ZNF276: variants seen among roughly 807,000 people sequenced by gnomAD.
The protein encoded by ZNF276 is centromere protein Z.
ZNF276 carries 59 observed loss-of-function variants against 63.9 expected under a neutral mutation model. The ratio of observed to expected loss-of-function variants is 0.92; its 90% CI spans 0.75 to 1.15. The LOEUF (loss-of-function observed/expected upper bound fraction) is 1.15. Among genes scored for constraint, ZNF276 ranks in the 50% most tolerant of loss-of-function variants. The pLI is 0.00. For synonymous variants in ZNF276, 496 were observed against 348.4 expected (o/e 1.42, Z -4.72); for missense variants, 1,084 against 843.8 (o/e 1.28, Z -3.53).
intron 6 of ZNF276, among the ~76,000 whole-genome samples, chr16:89,730,348 C>T (rs4785710): frequency 0.33 from 49,614 of 152,054 alleles, 9,297 homozygotes; most frequent in Middle Eastern, 0.44. Flanking sequence ...CGTGACCCTC[C>T]GGGTTGAGTC....
intron 4 of ZNF276, among the ~76,000 whole-genome samples, chr16:89,726,804 C>T (rs920396408): frequency 6.6e-6 from 1 of 151,796 alleles, no homozygotes; most frequent in Admixed American, 6.6e-5. Context: ...TGCCACCATG[C>T]CCGGCTAATT....
intron 1 of ZNF276, 93 bp downstream of exon 1, chr16:89,721,938 C>A (rs996780364): frequency 1.7e-4 from 154 of 896,142 alleles, no homozygotes; most frequent in Admixed American, 2.8e-4. Flanking sequence ...GGCGCGGCCT[C>A]TCCTCCACCC....
Position 89,739,999 on chromosome 16 carries a change from T to C in ZNF276, c.*1753T>C. 6.2e-7 allele frequency: 1 copy of C among 1,614,162 alleles called. No homozygotes were observed. The highest frequency in any genetic ancestry group is 1.3e-5 in the African/African-American group (1 of 75,056). ...CTCAGCAGCGTGTTTCTTACCACTC[T>C]CTGTCAACTGAAAGAGTGCCAGCCA... On this transcript the variant is annotated 3_prime_UTR_variant, in exon 11 of 11. Coordinates refer to ENST00000443381, the MANE Select transcript of ZNF276 (RefSeq NM_001113525.2).
chr16:89,720,409 A>G (rs2061223554), upstream of ZNF276: 1 of 1,013,732 alleles, frequency 9.9e-7, no homozygotes, highest in Non-Finnish European at 1.2e-6. Context: ...TAAATCTACC[A>G]TCTCTGCCCA....
chr16:89,735,378 GAATT>G (rs1262202296), intron 9 of ZNF276, among the ~76,000 whole-genome samples: 5 of 152,086 alleles, frequency 3.3e-5, no homozygotes, highest in African/African-American at 7.2e-5. Context: ...TACAGAATAA[GAATT>G]ATTTATTCTT....
Position 89,723,176 on chromosome 16 carries a change from G to A in ZNF276, c.549G>A (p.Ala183=), listed in dbSNP as rs767224098. Residue 183 remains alanine, a synonymous_variant, in exon 3 of 11, where the codon GCG becomes GCA. Transcript: ENST00000443381. ...CCCCAACAGGGGCAGAGGAGGGAGC[G>A]TGTCTGGGTGAGTCCTCCCCCGGTG... ...AQPPTGAEEG[A]CLVDLITSSP... is the part of the protein sequence containing the mutation. The A allele has an allele frequency of 2.5e-6, 4 of 1,613,220 alleles. No homozygotes were observed. The highest frequency in any genetic ancestry group is 2.2e-5 in the South Asian group (2 of 91,090).
At chr16:89,736,207 G>C (rs1159446351) in intron 9 of ZNF276, among the ~76,000 whole-genome samples, 1 of 151,940 alleles carries the variant, frequency 6.6e-6, no homozygotes, top group African/African-American at 2.4e-5. Context: ...TCTATTTTTA[G>C]TAGAGAGGCA....
At position 89,723,313 on chromosome 16, in the gene ZNF276, C is replaced by T. The variant is rs769827205; in HGVS notation, c.610C>T (p.His204Tyr). ...QCLHGLVGWV[H>Y]GHAASCGALP... ...CCTGCACGGCTTGGTGGGGTGGGTGCATGGACATGCGGCCAGCTGCGGGGC... is the reference window on the plus strand; with the variant it reads ...CCTGCACGGCTTGGTGGGGTGGGTGTATGGACATGCGGCCAGCTGCGGGGC... Residue 204 changes from histidine (H) to tyrosine (Y), a missense_variant, in exon 4 of 11, where the codon CAT becomes TAT. His to Tyr is a moderately conservative substitution (Grantham distance 83). Coordinates refer to ENST00000443381, the MANE Select transcript of ZNF276 (RefSeq NM_001113525.2). The T allele has an allele frequency of 3.1e-6, 5 of 1,613,032 alleles. No individual in the cohort carries two copies. The highest frequency in any genetic ancestry group is 4.2e-6 in the Non-Finnish European group (5 of 1,180,032).
chr16:89,726,730 C>T (rs1440764359), intron 4 of ZNF276, among the ~76,000 whole-genome samples: 2 of 152,106 alleles, frequency 1.3e-5, no homozygotes, highest in African/African-American at 4.8e-5. Flanking sequence ...ACTGCAATGT[C>T]TGCCTCCCGG....
At chr16:89,727,530 CAG>C (rs1245936570) in intron 5 of ZNF276, among the ~76,000 whole-genome samples, 173 bp downstream of exon 5, 1 of 152,194 alleles carries the variant, frequency 6.6e-6, no homozygotes, top group Non-Finnish European at 1.5e-5. Context: ...TAAGCCATCA[CAG>C]GGGCCGGCTG....
chr16:89,738,202 T>G lies in ZNF276; in HGVS notation c.1801T>G (p.Ser601Ala), dbSNP rs865830363. The change falls in exon 11 of 11, where the codon TCT (serine) becomes GCT (alanine). Residue 601 changes from serine to alanine, a missense_variant. Transcript: ENST00000443381. ...AEPPPGPPSP[S>A]VTTEGQAVKP... ...ACCACCACCTGGGCCACCGAGCCCC[T>G]CTGTGACCACAGAGGGCCAGGCGGT... 1.9e-6 allele frequency: 3 copies of G among 1,611,208 alleles called. No homozygotes were observed. Among genetic ancestry groups the G allele is most frequent in the African/African-American group, 1.3e-5 (1 of 74,922 alleles).
In ZNF276 at chr16:89,722,525, G is replaced by A. The variant is rs773052708; in HGVS notation, c.206-6G>A. The A allele has an allele frequency of 3.2e-5, 51 of 1,609,166 alleles. No individual in the cohort carries two copies. The East Asian group carries it at 5.1e-4, about 16-fold the overall frequency. On this transcript the variant is annotated splice_region_variant and splice_polypyrimidine_tract_variant and intron_variant, in intron 1 of 10. Coordinates refer to ENST00000443381, the MANE Select transcript of ZNF276 (RefSeq NM_001113525.2). ...AGCTGCTAACACTTCCTGCCGCTCT[G>A]TGCAGGAGCAGGCCGGGCTCTCGCC...
At position 89,738,954 on chromosome 16, in the gene ZNF276, T is replaced by C. The variant is rs1441175300; in HGVS notation, c.*708T>C. The C allele has an allele frequency of 3.1e-6, 5 of 1,614,242 alleles. No homozygotes were observed. In the East Asian group the frequency reaches 8.9e-5, roughly 29 times the overall value. On this transcript the variant is annotated 3_prime_UTR_variant, in exon 11 of 11. Transcript: ENST00000443381. ...GCAGCAGAAAAAGACGAGCTTTTGT[T>C]ATCAGTTCCACGGGGTTGCCCTAGA...
chr16:89,740,203 T>C lies in ZNF276; in HGVS notation c.*1957T>C, dbSNP rs551817911. 9.5e-5 allele frequency: 90 copies of C among 943,032 alleles called. 1 individual carries two copies. Among genetic ancestry groups the C allele is most frequent in the South Asian group, 7.9e-4 (61 of 77,054 alleles). The allele number at this position is 943,032 out of a possible 1,614,324, so 58.4% of individuals were successfully genotyped here. On this transcript the variant is annotated 3_prime_UTR_variant, in exon 11 of 11. Coordinates refer to ENST00000443381, the MANE Select transcript of ZNF276 (RefSeq NM_001113525.2). The stretch of plus-strand genomic sequence containing the variant: ...GAAGAGGGCATTTCCTCTTTGCTTA[T>C]TGTAAGTCTTAAAACTGGTGACAGT...
chr16:89,720,436 C>T (rs1421636351), upstream of ZNF276: 3 of 1,048,124 alleles, frequency 2.9e-6, no homozygotes, highest in Admixed American at 5.6e-5. Context: ...TGCACGAACG[C>T]ACGGACCTGC....
chr16:89,720,740 G>GCCCCGC (rs1567557837), upstream of ZNF276: 6 of 1,429,924 alleles, frequency 4.2e-6, no homozygotes, highest in African/African-American at 1.5e-5. Flanking sequence ...CAGCGGCCAA[G>GCCCCGC]CCCCGCCCCC....
At position 89,739,787 on chromosome 16, in the gene ZNF276, T is replaced by G; in HGVS notation, c.*1541T>G. 1 of 1,469,188 alleles carries G rather than the reference T, an allele frequency of 6.8e-7. No individual in the cohort carries two copies. Among genetic ancestry groups the G allele is most frequent in the Non-Finnish European group, 9.0e-7 (1 of 1,114,130 alleles). 91.0% of individuals were successfully genotyped at this position (1,469,188 alleles called of 1,614,324 possible). A position where few individuals can be genotyped will look rare whatever the true frequency, so the allele number is the denominator to read the frequency against. On this transcript the variant is annotated 3_prime_UTR_variant, in exon 11 of 11. Transcript: ENST00000443381. ...GTGCAGAGAGAGGCAGTCCCCATGA[T>G]AGGCCCATTGGTCCTGGGGTTGACC...
In ZNF276 at chr16:89,739,023, G is replaced by A. The variant is rs1462540401; in HGVS notation, c.*777G>A. ...ACAGGTTAGAAGACATACAGAAACAGGGCTGGTGTGTCCCCCATAGTCTGC... is the reference window on the plus strand; with the variant it reads ...ACAGGTTAGAAGACATACAGAAACAAGGCTGGTGTGTCCCCCATAGTCTGC... On this transcript the variant is annotated 3_prime_UTR_variant, in exon 11 of 11. Coordinates refer to ENST00000443381, the MANE Select transcript of ZNF276 (RefSeq NM_001113525.2). The A allele has an allele frequency of 1.2e-6, 2 of 1,614,188 alleles. No individual in the cohort carries two copies. Among genetic ancestry groups the A allele is most frequent in the South Asian group, 2.2e-5 (2 of 91,066 alleles).
chr16:89,726,287 C>G (rs967693156), intron 4 of ZNF276, among the ~76,000 whole-genome samples: 1 of 152,154 alleles, frequency 6.6e-6, no homozygotes, highest in African/African-American at 2.4e-5. Context: ...ACCTCTGCCT[C>G]CCAGGTTCAA....
Sources: gnomAD v4.1 joint callset for allele counts (sites outside exome capture counted in the v4.1 genomes callset) on GRCh38, gnomAD v4.1.1 for gene constraint, MANE v1.5 for transcripts, NCBI Gene and HGNC (gene_info 2026-07-23, HGNC 2026-07-21) for gene names.